PDP1: variants seen among roughly 807,000 people sequenced by gnomAD.
PDP1 encodes pyruvate dehyrogenase phosphatase catalytic subunit 1.
Under a neutral mutation model 37.1 loss-of-function variants are expected in PDP1, and 14 were observed. The observed-to-expected ratio is 0.38, with a 90% CI of 0.25 to 0.59. PDP1 has a LOEUF of 0.59. Among genes scored for constraint, PDP1 ranks in the 20% least tolerant of loss-of-function variants. The probability of loss-of-function intolerance (pLI) is 0.67; values close to 1 mark genes in which losing one functional copy is unlikely to be tolerated. For missense variants in PDP1, 544 were observed against 655.3 expected (o/e 0.83, Z 1.85); for synonymous variants, 251 against 243.3 (o/e 1.03, Z -0.29).
At position 93,923,709 on chromosome 8, in the gene PDP1, T is replaced by G. The variant is rs4735258; in HGVS notation, c.*36T>G. The G allele has an allele frequency of 6.6e-7, 1 of 1,514,548 alleles. No homozygotes were observed. Among genetic ancestry groups the G allele is most frequent in the Non-Finnish European group, 9.2e-7 (1 of 1,090,200 alleles). The allele number at this position is 1,514,548 out of a possible 1,614,324, so 93.8% of individuals were successfully genotyped here. ...TTTCACTGGCAATTCTCAAATGATATACATTTAAAGGGCAGATTTTTTAAA... is the reference window on the plus strand; with the variant it reads ...TTTCACTGGCAATTCTCAAATGATAGACATTTAAAGGGCAGATTTTTTAAA... On this transcript the variant is annotated 3_prime_UTR_variant, in exon 2 of 2. Transcript: ENST00000297598. The surrounding 1 kb of genome is among the most constrained non-coding windows in gnomAD (Gnocchi z 4.3).
At chr8:93,921,457 G>A (rs1810266669) in intron 1 of PDP1, 12 of 352,144 alleles carry the variant, frequency 3.4e-5, no homozygotes, top group African/African-American at 4.4e-5. Context: ...AGTCATATAT[G>A]TATATGATGT....
chr8:93,918,239 T>C (rs1181081812), intron 1 of PDP1, among the ~76,000 whole-genome samples: 1 of 152,192 alleles, frequency 6.6e-6, no homozygotes, highest in Non-Finnish European at 1.5e-5. Flanking sequence ...CAGAAAAATG[T>C]TGAAAAATCG....
Position 93,922,732 on chromosome 8 carries a change from G to T in PDP1, c.673G>T (p.Gly225Cys). ...YWQELIDLNT[G>C]ESTDIDVKEA... ...GCAAGAGCTTATAGACCTCAACACT[G>T]GTGAGTCGACTGATATTGATGTTAA... is the stretch of plus-strand genomic sequence containing the variant. The change falls in exon 2 of 2, where the codon GGT becomes TGT. Residue 225 changes from glycine to cysteine, a missense_variant. This residue lies in a region of PDP1 where 342 missense variants were observed against 414.0 expected (regional missense o/e 0.83). Transcript: ENST00000297598. The surrounding 1 kb of genome is among the most constrained non-coding windows in gnomAD (Gnocchi z 4.0). 2 of 1,614,040 alleles carry T rather than the reference G, an allele frequency of 1.2e-6. No homozygotes were observed. The highest frequency in any genetic ancestry group is 2.7e-5 in the African/African-American group (2 of 75,006).
At chr8:93,917,665 G>A in intron 1 of PDP1, 1 of 731,816 alleles carries the variant, frequency 1.4e-6, no homozygotes, top group Admixed American at 2.8e-5. Context: ...CTCCCCGGCG[G>A]GGTGGGTTGG....
At position 93,923,772 on chromosome 8, in the gene PDP1, C is replaced by G. The variant is rs1014002246; in HGVS notation, c.*99C>G. 2.7e-5 allele frequency: 28 copies of G among 1,033,516 alleles called. No individual in the cohort carries two copies. The highest frequency in any genetic ancestry group is 3.9e-5 in the Non-Finnish European group (26 of 659,202). 64.0% of individuals were successfully genotyped at this position (1,033,516 alleles called of 1,614,324 possible). ...TAATAAACATTTCCAGTTGGTCATTCTAAGCATTTACCCTTTTGATACTCT... is the reference window on the plus strand; with the variant it reads ...TAATAAACATTTCCAGTTGGTCATTGTAAGCATTTACCCTTTTGATACTCT... On this transcript the variant is annotated 3_prime_UTR_variant, in exon 2 of 2. Transcript: ENST00000297598. This position sits in a 1 kb window ranked among gnomAD's most constrained non-coding sequence, Gnocchi z 4.3.
chr8:93,923,342 A>T lies in PDP1; in HGVS notation c.1283A>T (p.Asp428Val). The change falls in exon 2 of 2, where the codon GAT becomes GTT. Residue 428 changes from aspartate to valine, a missense_variant. By Grantham distance (152) the Asp-to-Val change is radical. This residue lies in a region of PDP1 where 159 missense variants were observed against 165.5 expected (regional missense o/e 0.96). Coordinates refer to ENST00000297598, the MANE Select transcript of PDP1 (RefSeq NM_018444.4). This position sits in a 1 kb window ranked among gnomAD's most constrained non-coding sequence, Gnocchi z 4.3. ...DGLWETMHRQ[D>V]VVRIVGEYLT... is the part of the protein sequence containing the mutation. ...TTGTGGGAGACTATGCATAGGCAGG[A>T]TGTGGTTAGGATTGTGGGTGAGTAC... 1 of 1,614,146 alleles carries T rather than the reference A, an allele frequency of 6.2e-7. No individual in the cohort carries two copies. The highest frequency in any genetic ancestry group is 8.5e-7 in the Non-Finnish European group (1 of 1,180,006).
chr8:93,917,755 G>C, intron 1 of PDP1: 1 of 1,531,750 alleles, frequency 6.5e-7, no homozygotes, highest in East Asian at 2.4e-5. Flanking sequence ...CCATTCACCG[G>C]GCTGGAGCGA....
Position 93,925,908 on chromosome 8 carries a change from C to G in PDP1, c.*2235C>G, listed in dbSNP as rs1586160326. Reference sequence around the variant, plus strand: ...CAGTGGTTCATGTTATATAATACACCCTTAACTAGTTAAATGGAATGTTGG... The same window carrying G: ...CAGTGGTTCATGTTATATAATACACGCTTAACTAGTTAAATGGAATGTTGG... On this transcript the variant is annotated 3_prime_UTR_variant, in exon 2 of 2. Transcript: ENST00000297598. 6.0e-6 allele frequency: 1 copy of G among 166,846 alleles called. No homozygotes were observed. Among genetic ancestry groups the G allele is most frequent in the South Asian group, 2.1e-4 (1 of 4,818 alleles). The allele number at this position is 166,846 out of a possible 1,614,324, so 10.3% of individuals were successfully genotyped here.
intron 1 of PDP1, among the ~76,000 whole-genome samples, chr8:93,918,469 C>T (rs1451729720): frequency 6.6e-6 from 1 of 152,156 alleles, no homozygotes; most frequent in Non-Finnish European, 1.5e-5. Flanking sequence ...CTCTGCTAAG[C>T]ACATCAGTAA....
chr8:93,919,187 T>C, intron 1 of PDP1: 5 of 881,776 alleles, frequency 5.7e-6, no homozygotes, highest in Non-Finnish European at 6.8e-6. Context: ...CATTGCTTTT[T>C]GTCACTAGAT....
rs545440707 is a variant in PDP1, at chr8:93,924,400, T to C, written c.*727T>C. ...AAGAAAGAAAAAAAGATTTTTTTAT[T>C]TGTATTAATGAAAAGCTTTAGTTTA... On this transcript the variant is annotated 3_prime_UTR_variant, in exon 2 of 2. Transcript: ENST00000297598. 5.4e-5 allele frequency: 9 copies of C among 167,140 alleles called. No homozygotes were observed. Among genetic ancestry groups the C allele is most frequent in the Non-Finnish European group, 1.3e-4 (9 of 68,108 alleles). 10.4% of individuals were successfully genotyped at this position (167,140 alleles called of 1,614,324 possible).
At position 93,917,786 on chromosome 8, in the gene PDP1, CCCGCCTCCCCGCCG is replaced by C. The variant is rs751797944; in HGVS notation, c.-45+716_-45+729del. The C allele has an allele frequency of 1.9e-6, 3 of 1,568,752 alleles. No individual in the cohort carries two copies. In the East Asian group the frequency reaches 7.1e-5, roughly 37 times the overall value. Reference sequence around the variant, plus strand: ...AGCGAGACCTCGCCCCTCCTCCGCTCCCGCCTCCCCGCCGCCGCCTCCTCTAATGAGCATCTCTG... The same window carrying C: ...AGCGAGACCTCGCCCCTCCTCCGCTCCCGCCTCCTCTAATGAGCATCTCTG... On this transcript the variant is annotated intron_variant, in intron 1 of 1. Transcript: ENST00000297598.
At position 93,917,017 on chromosome 8, in the gene PDP1, G is replaced by A. The variant is rs760474141; in HGVS notation, c.-107G>A. The A allele has an allele frequency of 2.1e-6, 1 of 478,474 alleles. No individual in the cohort carries two copies. Among genetic ancestry groups the A allele is most frequent in the Admixed American group, 2.1e-5 (1 of 46,610 alleles). 29.6% of individuals were successfully genotyped at this position (478,474 alleles called of 1,614,324 possible). A position where few individuals can be genotyped will look rare whatever the true frequency, so the allele number is the denominator to read the frequency against. On this transcript the variant is annotated 5_prime_UTR_variant, in exon 1 of 2. Coordinates refer to ENST00000297598, the MANE Select transcript of PDP1 (RefSeq NM_018444.4). Reference sequence around the variant, plus strand: ...CGGGGCTGCGTGGAAAGAGCGCCGAGCGGTGGCGTCGTTGTCGCCCCCTCC... The same window carrying A: ...CGGGGCTGCGTGGAAAGAGCGCCGAACGGTGGCGTCGTTGTCGCCCCCTCC...
chr8:93,923,145 T>C lies in PDP1; in HGVS notation c.1086T>C (p.Ile362=). The change falls in exon 2 of 2, where the codon ATT becomes ATC. Residue 362 remains isoleucine, a synonymous_variant. Coordinates refer to ENST00000297598, the MANE Select transcript of PDP1 (RefSeq NM_018444.4). This position sits in a 1 kb window ranked among gnomAD's most constrained non-coding sequence, Gnocchi z 4.3. ...AFGDVKFKWS[I]DLQKRVIESG... ...GAGATGTAAAGTTCAAATGGAGCAT[T>C]GACCTTCAAAAGAGAGTGATAGAAT... The C allele has an allele frequency of 6.2e-7, 1 of 1,614,218 alleles. No individual in the cohort carries two copies.
chr8:93,920,626 G>C, intron 1 of PDP1: 1 of 957,982 alleles, frequency 1.0e-6, no homozygotes, highest in Non-Finnish European at 1.2e-6. Context: ...GTGAGTGATA[G>C]GATTTTTTTT....
Position 93,923,483 on chromosome 8 carries a change from A to T in PDP1, c.1424A>T (p.Asp475Val). The T allele has an allele frequency of 6.2e-7, 1 of 1,603,842 alleles. No individual in the cohort carries two copies. Among genetic ancestry groups the T allele is most frequent in the Non-Finnish European group, 8.5e-7 (1 of 1,172,024 alleles). The part of the protein sequence containing the change: ...RRTKMSSVFE[D>V]QNAATHLIRH... The stretch of plus-strand genomic sequence containing the variant: ...ACCAAAATGTCCTCGGTATTTGAGG[A>T]TCAGAACGCAGCAACCCATCTCATT... The change falls in exon 2 of 2, where the codon GAT (aspartate) becomes GTT (valine). Residue 475 changes from aspartate to valine, a missense_variant. Asp to Val is a radical substitution (Grantham distance 152). Transcript: ENST00000297598. This position sits in a 1 kb window ranked among gnomAD's most constrained non-coding sequence, Gnocchi z 4.3.
At chr8:93,917,786 C>T (rs567385268) in intron 1 of PDP1, 3 of 1,568,752 alleles carry the variant, frequency 1.9e-6, no homozygotes, top group East Asian at 4.7e-5. Context: ...CTCCTCCGCT[C>T]CCGCCTCCCC....
rs766927852 is a variant in PDP1, at chr8:93,922,335, T to C, written c.276T>C (p.Asn92=). 2 of 1,614,226 alleles carry C rather than the reference T, an allele frequency of 1.2e-6. No homozygotes were observed. The highest frequency in any genetic ancestry group is 1.7e-6 in the Non-Finnish European group (2 of 1,180,038). The part of the protein sequence containing the change: ...PPQVNSILKA[N]EYSFKVPEFD... ...AAGTCAATAGCATCCTTAAAGCTAA[T>C]GAATACAGTTTCAAAGTGCCAGAAT... Residue 92 remains asparagine (N), a synonymous_variant, in exon 2 of 2, where the codon AAT becomes AAC. Coordinates refer to ENST00000297598, the MANE Select transcript of PDP1 (RefSeq NM_018444.4). The surrounding 1 kb of genome is among the most constrained non-coding windows in gnomAD (Gnocchi z 4.0).
chr8:93,917,631 C>A, intron 1 of PDP1: 2 of 563,352 alleles, frequency 3.6e-6, no homozygotes, highest in South Asian at 2.2e-5. Context: ...GCCTGGGCCC[C>A]GCTGCCTTGG....
Sources: allele counts gnomAD v4.1 joint callset (sites outside exome capture counted in the v4.1 genomes callset), GRCh38; gene constraint gnomAD v4.1.1; regional missense constraint gnomAD v4.1.1; non-coding constraint Gnocchi (gnomAD v3.1); transcripts MANE v1.5; gene names NCBI Gene and HGNC (gene_info 2026-07-23, HGNC 2026-07-21).